Variants in RADX observed in about 807,000 individuals in gnomAD.
RADX encodes RPA-related protein RADX.
A neutral mutation model predicts 61.6 loss-of-function variants in RADX; 36 were observed. The ratio of observed to expected loss-of-function variants is 0.58; its 90% CI spans 0.45 to 0.77. The LOEUF is 0.77. Ranked by LOEUF, RADX falls within the 30% of genes least tolerant of loss-of-function variation. The probability of loss-of-function intolerance (pLI) is 0.00; values close to 1 mark genes in which losing one functional copy is unlikely to be tolerated. For synonymous variants in RADX, 272 were observed against 237.9 expected, an observed-to-expected ratio of 1.14 and a Z score of -1.32; for missense variants, 497 against 651.1, an observed-to-expected ratio of 0.76 and a Z score of 2.58.
rs768600039 is a variant in RADX at position 106,625,227 on chromosome X, A to G, written c.924A>G (p.Pro308=). ...ACTATTCTGTTAAAAAGAGTTATCCATTCAGAATACAGCCTGTCCCCGTGG... is the reference window on the plus strand; with the variant it reads ...ACTATTCTGTTAAAAAGAGTTATCCGTTCAGAATACAGCCTGTCCCCGTGG... ...LQDYSVKKSY[P]FRIQPVPVDP... The change falls in exon 3 of 14, where the codon CCA becomes CCG. Residue 308 remains proline (P), a synonymous_variant. Coordinates refer to ENST00000372548, the MANE Select transcript of RADX (RefSeq NM_018015.6). 6.7e-6 allele frequency: 8 copies of G among 1,198,437 alleles called. No homozygotes were observed. In the Admixed American group the frequency reaches 6.8e-5, roughly 10 times the overall value.
chrX:106,613,184 A>G (rs775686366), intron 1 of RADX, among the ~76,000 whole-genome samples: 10 of 112,411 alleles, frequency 8.9e-5, no homozygotes, highest in Non-Finnish European at 1.7e-4. Flanking sequence ...ATCTTCATTC[A>G]AAAAGGATGC....
chrX:106,645,704 G>A (rs1927641068), intron 10 of RADX, among the ~76,000 whole-genome samples: 1 of 111,456 alleles, frequency 9.0e-6, no homozygotes, highest in African/African-American at 3.2e-5. Context: ...TCCATGTGCT[G>A]AGGAAAAGAA....
At chrX:106,641,031 A>G (rs773370445) in intron 10 of RADX, among the ~76,000 whole-genome samples, 2 of 110,669 alleles carry the variant, frequency 1.8e-5, no homozygotes, top group Non-Finnish European at 3.8e-5. Context: ...GCATCACCCC[A>G]ATCTCTGCCT....
chrX:106,612,568 CT>C lies in RADX; in HGVS notation c.491del (p.Leu164Ter). 1 of 1,211,338 alleles carries C rather than the reference CT, an allele frequency of 8.3e-7. No individual in the cohort carries two copies. The highest frequency in any genetic ancestry group is 1.1e-6 in the Non-Finnish European group (1 of 895,406). ...VHCGETSDSI[S>X]LETPFRNRAH... ...TGTGGGGAGACTTCAGACAGTATTT[CT>C]TTAGAAACTCCCTTCAGAAATAGAG... On this transcript the variant is annotated frameshift_variant, in exon 1 of 14. Coordinates refer to ENST00000372548, the MANE Select transcript of RADX (RefSeq NM_018015.6). LOFTEE classifies it high-confidence loss of function.
intron 11 of RADX, among the ~76,000 whole-genome samples, chrX:106,659,742 CTTAA>C (rs1231973588): frequency 9.0e-6 from 1 of 111,025 alleles, no homozygotes; most frequent in East Asian, 2.8e-4. Context: ...ATTTGTATTA[CTTAA>C]TTATGAAGAT....
chrX:106,648,797 T>C (rs1254139359), intron 11 of RADX, among the ~76,000 whole-genome samples: 1 of 111,018 alleles, frequency 9.0e-6, no homozygotes, highest in African/African-American at 3.3e-5. Flanking sequence ...TTTTTTCTGG[T>C]GGGGTGTCCG....
At chrX:106,617,272 C>T (rs916339282) in intron 1 of RADX, among the ~76,000 whole-genome samples, 13 of 109,927 alleles carry the variant, frequency 1.2e-4, no homozygotes, top group African/African-American at 4.3e-4. Context: ...GTGATCCACC[C>T]ACCTCAGCTT....
intron 1 of RADX, among the ~76,000 whole-genome samples, chrX:106,616,098 T>G (rs1312832131): frequency 9.0e-6 from 1 of 111,385 alleles, no homozygotes; most frequent in African/African-American, 3.3e-5. Flanking sequence ...TTGGGGGTTG[T>G]GGGGGGATGC....
At chrX:106,631,690 T>A (rs1443599109) in intron 3 of RADX, among the ~76,000 whole-genome samples, 22 of 67,544 alleles carry the variant, frequency 3.3e-4, no homozygotes, top group African/African-American at 1.9e-4. Context: ...GGCAACAGAG[T>A]AAGGCCCTGT....
chrX:106,674,754 G>A (rs1479581592), intron 13 of RADX, among the ~76,000 whole-genome samples: 4 of 111,639 alleles, frequency 3.6e-5, no homozygotes, highest in African/African-American at 9.8e-5. Flanking sequence ...GGCCAGGCGC[G>A]GTGGCTCACG....
At chrX:106,669,535 G>A (rs1042415289) in intron 13 of RADX, among the ~76,000 whole-genome samples, 1 of 111,541 alleles carries the variant, frequency 9.0e-6, no homozygotes, top group Non-Finnish European at 1.9e-5. Flanking sequence ...CTCTAGGCTA[G>A]CATTAAGAAT....
chrX:106,670,182 A>AT (rs60551685), intron 13 of RADX, among the ~76,000 whole-genome samples: 52 of 107,521 alleles, frequency 4.8e-4, no homozygotes, highest in Admixed American at 1.1e-3. Flanking sequence ...ATAAGAGATG[A>AT]TTTTTTTTTT....
At chrX:106,630,579 C>T (rs1427905645) in intron 3 of RADX, among the ~76,000 whole-genome samples, 1 of 110,893 alleles carries the variant, frequency 9.0e-6, no homozygotes, top group African/African-American at 3.3e-5. Context: ...TGTTACTACT[C>T]GCAAATTAAA....
chrX:106,660,869 C>T (rs967509439), intron 11 of RADX, among the ~76,000 whole-genome samples: 2 of 111,590 alleles, frequency 1.8e-5, no homozygotes, highest in African/African-American at 6.5e-5. Flanking sequence ...GGGTAATTTA[C>T]GAAGAAAAGA....
rs1320261771 is a variant in RADX at position 106,636,381 on chromosome X, C to T, written c.1304-162C>T. 2.7e-5 allele frequency among the ~76,000 whole-genome samples: 3 copies of T among 112,123 alleles called. No individual in the cohort carries two copies. The South Asian group carries it at 1.1e-3, about 42-fold the overall frequency. On this transcript the variant is annotated intron_variant, in intron 6 of 13. Coordinates refer to ENST00000372548, the MANE Select transcript of RADX (RefSeq NM_018015.6). ...GGAGATTATTAGAAATGCAGAATCT[C>T]AGGCCCCACCCTAGACCTACTGAAT...
intron 3 of RADX, among the ~76,000 whole-genome samples, chrX:106,632,055 C>A (rs1311838319): frequency 9.0e-6 from 1 of 111,507 alleles, no homozygotes; most frequent in African/African-American, 3.3e-5. Context: ...CTTAGAAAAA[C>A]AGTTGCCTGT....
At position 106,633,008 on chromosome X, in the gene RADX, C is replaced by T. The variant is rs1216884286; in HGVS notation, c.1165C>T (p.Arg389Trp). The change falls in exon 5 of 14, where the codon CGG (arginine) becomes TGG (tryptophan). Residue 389 changes from arginine to tryptophan, a missense_variant. By Grantham distance (101) the Arg-to-Trp change is moderately radical. Coordinates refer to ENST00000372548, the MANE Select transcript of RADX (RefSeq NM_018015.6). The stretch of plus-strand genomic sequence containing the variant: ...TTTAGTTTTTGTAGGAAGGGTCCAG[C>T]GGTCAAAAAAGAAAGGTAAGCTTTT... Reference protein sequence around the residue: ...GLLVFVGRVQRSKKKENREDF... With the variant: ...GLLVFVGRVQWSKKKENREDF... 4 of 1,201,680 alleles carry T rather than the reference C, an allele frequency of 3.3e-6. No homozygotes were observed. The highest frequency in any genetic ancestry group is 3.5e-5 in the African/African-American group (2 of 56,767).
intron 11 of RADX, among the ~76,000 whole-genome samples, chrX:106,650,789 CAT>C (rs1311972992): frequency 1.8e-5 from 2 of 111,256 alleles, no homozygotes; most frequent in Non-Finnish European, 3.8e-5. Context: ...GAAGAACTGA[CAT>C]ATGTGAAAAA....
intron 12 of RADX, among the ~76,000 whole-genome samples, chrX:106,663,644 A>G (rs112687350): frequency 0.11 from 12,271 of 111,566 alleles, 1,645 homozygotes; most frequent in African/African-American, 0.38. Context: ...TTTGTAACTC[A>G]AAGGATAAAT....
Sources: gnomAD v4.1 joint callset for allele counts (sites outside exome capture counted in the v4.1 genomes callset) on GRCh38, gnomAD v4.1.1 for gene constraint, MANE v1.5 for transcripts, NCBI Gene and HGNC (gene_info 2026-07-23, HGNC 2026-07-21) for gene names.